ROBO1: variants seen among roughly 807,000 people sequenced by gnomAD.
The protein encoded by ROBO1 is roundabout guidance receptor 1, also known as roundabout homolog 1.
Under a neutral mutation model 195.9 loss-of-function variants are expected in ROBO1, and 149 were observed. That is an observed-to-expected ratio of 0.76 (90% CI 0.67 to 0.87). ROBO1 has a LOEUF of 0.87. Ranked by LOEUF, ROBO1 falls within the 40% of genes least tolerant of loss-of-function variation. The pLI is 0.00. For missense variants in ROBO1, 1,933 were observed against 2,068.3 expected, an observed-to-expected ratio of 0.93 and a Z score of 1.27; for synonymous variants, 816 against 733.2, an observed-to-expected ratio of 1.11 and a Z score of -1.82.
At chr3:78,623,813 G>A (rs187996993) in intron 26 of ROBO1, among the ~76,000 whole-genome samples, 1 of 152,102 alleles carries the variant, frequency 6.6e-6, no homozygotes, top group African/African-American at 2.4e-5. Flanking sequence ...ATAAGTAGTT[G>A]GATATATGGG....
intron 4 of ROBO1, among the ~76,000 whole-genome samples, chr3:78,909,773 G>A (rs2038139011): frequency 1.3e-5 from 2 of 151,486 alleles, no homozygotes; most frequent in South Asian, 4.1e-4. Flanking sequence ...AGGGAAAAAA[G>A]TCTTTTTTTT....
At chr3:79,083,503 A>G (rs2079313049) in intron 3 of ROBO1, among the ~76,000 whole-genome samples, 1 of 152,168 alleles carries the variant, frequency 6.6e-6, no homozygotes, top group Admixed American at 6.5e-5. Context: ...AACTGGCTGG[A>G]AAGCAGTTTA....
intron 2 of ROBO1, among the ~76,000 whole-genome samples, chr3:79,290,292 A>G (rs536169667): frequency 6.6e-6 from 1 of 151,984 alleles, no homozygotes; most frequent in Non-Finnish European, 1.5e-5. Context: ...TCGGCCTCCC[A>G]AAGTGCTGGG....
rs148533069 is a variant in ROBO1 at position 79,305,837 on chromosome 3, C to T, written c.89-180298G>A. 4.3e-3 allele frequency among the ~76,000 whole-genome samples: 659 copies of T among 152,046 alleles called. 4 individuals are homozygous for T. The highest frequency in any genetic ancestry group is 0.015 in the African/African-American group (632 of 41,450). ...AAACTTGTGGAAAGAACATTGTTCACTATTGGAGTATAAGAAACAGAAATA... is the reference window on the plus strand; with the variant it reads ...AAACTTGTGGAAAGAACATTGTTCATTATTGGAGTATAAGAAACAGAAATA... On this transcript the variant is annotated intron_variant, in intron 2 of 30. Transcript: ENST00000464233.
At chr3:79,720,583 T>C (rs1355509240) in intron 1 of ROBO1, among the ~76,000 whole-genome samples, 3 of 152,182 alleles carry the variant, frequency 2.0e-5, no homozygotes, top group African/African-American at 4.8e-5. Flanking sequence ...AATGTGTTTC[T>C]CTACTATTGC....
intron 8 of ROBO1, among the ~76,000 whole-genome samples, chr3:78,699,319 C>T (rs1010752010): frequency 1.4e-5 from 2 of 144,238 alleles, no homozygotes; most frequent in East Asian, 2.1e-4. Context: ...GAGGCTGAGG[C>T]AGGTGGATCA....
At position 79,282,675 on chromosome 3, in the gene ROBO1, A is replaced by T. The variant is rs1559788461; in HGVS notation, c.89-157136T>A. Among the ~76,000 whole-genome samples, 2 of 152,198 alleles carry T rather than the reference A, an allele frequency of 1.3e-5. 1 individual carries two copies. Among genetic ancestry groups the T allele is most frequent in the South Asian group, 4.1e-4 (2 of 4,828 alleles). Reference sequence around the variant, plus strand: ...TTAGCTGAGATGTGGCATAGGAAAGATGAGAAAATTTTACGCATGTTGAGT... The same window carrying T: ...TTAGCTGAGATGTGGCATAGGAAAGTTGAGAAAATTTTACGCATGTTGAGT... On this transcript the variant is annotated intron_variant, in intron 2 of 30. Coordinates refer to ENST00000464233, the MANE Select transcript of ROBO1 (RefSeq NM_002941.4).
rs373067460 is a variant in ROBO1, at chr3:78,954,620, TC to T, written c.173-15694del. On this transcript the variant is annotated intron_variant, in intron 3 of 30. Coordinates refer to ENST00000464233, the MANE Select transcript of ROBO1 (RefSeq NM_002941.4). ...ATCATGAAAAACAGCATTTGGGTGG[TC>T]CCAGGATTTTTTTTATTGCTATGGA... Among the ~76,000 whole-genome samples the T allele has an allele frequency of 2.6e-3, 399 of 152,152 alleles. 2 individuals are homozygous for T. The highest frequency in any genetic ancestry group is 9.2e-3 in the African/African-American group (384 of 41,542).
chr3:78,698,877 T>C (rs890431613), intron 8 of ROBO1, among the ~76,000 whole-genome samples: 1 of 152,198 alleles, frequency 6.6e-6, no homozygotes, highest in African/African-American at 2.4e-5. Flanking sequence ...ATATTGTCAC[T>C]TTCCCAAAAA....
At chr3:79,104,089 C>A (rs1186986244) in intron 3 of ROBO1, among the ~76,000 whole-genome samples, 1 of 151,650 alleles carries the variant, frequency 6.6e-6, no homozygotes, top group African/African-American at 2.4e-5. Flanking sequence ...TATCTCCGAC[C>A]TAGGGATTTT....
intron 4 of ROBO1, among the ~76,000 whole-genome samples, chr3:78,875,865 A>C (rs1474465081): frequency 1.3e-5 from 2 of 152,128 alleles, no homozygotes; most frequent in East Asian, 3.8e-4. Flanking sequence ...TAAGTCCTTC[A>C]CATGTATAAT....
intron 2 of ROBO1, among the ~76,000 whole-genome samples, chr3:79,334,311 A>AAAAAAT: frequency 1.5e-5 from 2 of 131,742 alleles, no homozygotes; most frequent in Non-Finnish European, 3.1e-5. Context: ...AAAAAAAAAA[A>AAAAAAT]ATATATATAT....
intron 4 of ROBO1, among the ~76,000 whole-genome samples, chr3:78,914,280 G>A (rs2038423943): frequency 6.6e-6 from 1 of 151,990 alleles, no homozygotes; most frequent in Admixed American, 6.6e-5. Context: ...ATCAAAAATG[G>A]AAAGAAATAG....
intron 3 of ROBO1, among the ~76,000 whole-genome samples, chr3:79,012,090 C>G (rs898310998): frequency 2.0e-5 from 3 of 152,138 alleles, no homozygotes; most frequent in African/African-American, 7.2e-5. Flanking sequence ...CCAAGAGCAT[C>G]TTGAGAAAGT....
intron 2 of ROBO1, among the ~76,000 whole-genome samples, chr3:79,485,618 C>G (rs1445491270): frequency 6.6e-6 from 1 of 152,052 alleles, no homozygotes; most frequent in African/African-American, 2.4e-5. Context: ...ATACTGTTCT[C>G]AGCGCTTTAA....
chr3:79,376,950 T>C (rs1262625677), intron 2 of ROBO1, among the ~76,000 whole-genome samples: 2 of 151,986 alleles, frequency 1.3e-5, no homozygotes, highest in Middle Eastern at 3.2e-3. Flanking sequence ...TATATAACAA[T>C]AGAAACACAT....
intron 1 of ROBO1, among the ~76,000 whole-genome samples, chr3:79,724,004 G>A (rs903583307): frequency 6.6e-6 from 1 of 152,170 alleles, no homozygotes; most frequent in Admixed American, 6.5e-5. Context: ...TATTATTCTA[G>A]TGAATTGTAC....
chr3:79,309,034 C>G (rs2033356774), intron 2 of ROBO1, among the ~76,000 whole-genome samples: 1 of 151,352 alleles, frequency 6.6e-6, no homozygotes, highest in African/African-American at 2.4e-5. Flanking sequence ...TGTCTCAACT[C>G]TAAGTTGGTA....
At chr3:78,690,439 C>T (rs868676258) in intron 8 of ROBO1, among the ~76,000 whole-genome samples, 44 of 152,110 alleles carry the variant, frequency 2.9e-4, no homozygotes, top group African/African-American at 1.0e-3. Flanking sequence ...TTTGGTAACA[C>T]TGAAGTTCTA....
Sources: gnomAD v4.1 joint callset for allele counts (sites outside exome capture counted in the v4.1 genomes callset) on GRCh38, gnomAD v4.1.1 for gene constraint, MANE v1.5 for transcripts, NCBI Gene and HGNC (gene_info 2026-07-23, HGNC 2026-07-21) for gene names.